DPY19L1: variants seen among roughly 807,000 people sequenced by gnomAD.
DPY19L1 encodes protein C-mannosyl-transferase DPY19L1.
In DPY19L1, 35 loss-of-function variants were observed where a neutral mutation model predicts 96.9. That is an observed-to-expected ratio of 0.36 (90% CI 0.28 to 0.48). The LOEUF (loss-of-function observed/expected upper bound fraction) is 0.48. Among genes scored for constraint, DPY19L1 ranks in the 20% least tolerant of loss-of-function variants. The pLI, the probability that DPY19L1 is intolerant of heterozygous loss-of-function variation, is 0.99. For missense variants in DPY19L1, 521 were observed against 777.9 expected (o/e 0.67, Z 3.93); for synonymous variants, 205 against 252.6 (o/e 0.81, Z 1.79).
At chr7:34,995,239 T>C (rs1035287505) in intron 6 of DPY19L1, among the ~76,000 whole-genome samples, 12 of 152,136 alleles carry the variant, frequency 7.9e-5, no homozygotes, top group Non-Finnish European at 1.6e-4. Context: ...ACAGAAAAGA[T>C]GCAGCAATCA....
intron 10 of DPY19L1, among the ~76,000 whole-genome samples, chr7:34,959,750 A>C (rs751503083): frequency 1.3e-5 from 2 of 151,608 alleles, no homozygotes; most frequent in Non-Finnish European, 2.9e-5. Context: ...GCATTAGGAG[A>C]AATACCTAAT....
At chr7:34,989,134 C>T (rs866092134) in intron 7 of DPY19L1, among the ~76,000 whole-genome samples, 2 of 152,094 alleles carry the variant, frequency 1.3e-5, no homozygotes, top group Non-Finnish European at 2.9e-5. Flanking sequence ...TTAGAAAGCC[C>T]TTGAACACTA....
chr7:34,992,257 T>A (rs1477587501), intron 6 of DPY19L1, among the ~76,000 whole-genome samples: 1 of 152,248 alleles, frequency 6.6e-6, no homozygotes, highest in African/African-American at 2.4e-5. Context: ...ACATGCATTT[T>A]CTCTTCCGTG....
chr7:35,034,379 A>G (rs1381333251), intron 1 of DPY19L1, among the ~76,000 whole-genome samples: 1 of 152,224 alleles, frequency 6.6e-6, no homozygotes, highest in Non-Finnish European at 1.5e-5. Flanking sequence ...ATGTATTGTT[A>G]CAATGTCAGC....
At chr7:34,973,698 C>A (rs1272560962) in intron 7 of DPY19L1, 93 bp from the exon 8 acceptor site, 1 of 631,008 alleles carries the variant, frequency 1.6e-6, no homozygotes, top group Non-Finnish European at 2.3e-6. Context: ...TTATTTTTAA[C>A]AAATAATTTA....
At chr7:34,998,029 G>A (rs1004402600) in intron 6 of DPY19L1, among the ~76,000 whole-genome samples, 10 of 152,112 alleles carry the variant, frequency 6.6e-5, no homozygotes, top group African/African-American at 2.4e-4. Flanking sequence ...AATCATCCAG[G>A]CCCTCAGGGC....
chr7:35,011,473 A>G, intron 4 of DPY19L1, 23 bp from the exon 5 acceptor site: 4 of 1,576,662 alleles, frequency 2.5e-6, no homozygotes, highest in Non-Finnish European at 3.4e-6. Context: ...ATACAGAGGC[A>G]TCTTAAGAAA....
chr7:34,988,726 T>C (rs2128671856), intron 7 of DPY19L1, among the ~76,000 whole-genome samples: 1 of 152,316 alleles, frequency 6.6e-6, no homozygotes, highest in East Asian at 1.9e-4. Flanking sequence ...CTGACCTTTA[T>C]TCTTTTCTCC....
At chr7:35,037,737 G>A (rs1015936696), upstream of DPY19L1, 15 of 926,430 alleles carry the variant, frequency 1.6e-5, no homozygotes, top group African/African-American at 2.7e-4. Flanking sequence ...CGCCGGACGC[G>A]CGCTCCAGGC....
At chr7:35,013,770 A>G in intron 3 of DPY19L1, 65 bp from the exon 4 acceptor site, 1 of 1,307,292 alleles carries the variant, frequency 7.6e-7, no homozygotes, top group Non-Finnish European at 1.0e-6. Flanking sequence ...ACTTCTAAGT[A>G]AATACACTGT....
intron 19 of DPY19L1, 82 bp downstream of exon 19, chr7:34,940,071 T>C: frequency 1.6e-6 from 2 of 1,265,964 alleles, no homozygotes; most frequent in Non-Finnish European, 2.1e-6. Context: ...GTAACTAGGG[T>C]TTAAGAGTTT....
intron 21 of DPY19L1, 130 bp from the exon 22 acceptor site, chr7:34,931,859 T>C: frequency 7.6e-7 from 1 of 1,323,896 alleles, no homozygotes; most frequent in Non-Finnish European, 1.0e-6. Flanking sequence ...TAAACAATCC[T>C]GTTACATAGC....
intron 7 of DPY19L1, among the ~76,000 whole-genome samples, chr7:34,981,147 C>T (rs1399577808): frequency 6.6e-6 from 1 of 152,062 alleles, no homozygotes; most frequent in Non-Finnish European, 1.5e-5. Context: ...ATATACAAAT[C>T]TTAATGTGTG....
chr7:34,959,913 ATAT>A (rs1562806895), intron 10 of DPY19L1, among the ~76,000 whole-genome samples: 2 of 58,212 alleles, frequency 3.4e-5, no homozygotes, highest in Non-Finnish European at 1.0e-4. Flanking sequence ...ATATATATAT[ATAT>A]ATATATATTT....
intron 6 of DPY19L1, chr7:35,000,843 T>C (rs1337080135): frequency 1.3e-5 from 2 of 152,248 alleles, no homozygotes; most frequent in Admixed American, 1.3e-4. Context: ...ACCACTTACT[T>C]TGGCAATGAA....
At chr7:34,933,047 A>G (rs1417607105) in intron 21 of DPY19L1, among the ~76,000 whole-genome samples, 1 of 152,212 alleles carries the variant, frequency 6.6e-6, no homozygotes, top group African/African-American at 2.4e-5. Context: ...ACCTACATAC[A>G]TTTTAAGAAA....
chr7:35,027,203 T>C (rs1458978540), intron 1 of DPY19L1, among the ~76,000 whole-genome samples: 1 of 150,950 alleles, frequency 6.6e-6, no homozygotes, highest in African/African-American at 2.4e-5. Context: ...AAACTCCGTC[T>C]CAAAGAAAAA....
intron 6 of DPY19L1, among the ~76,000 whole-genome samples, chr7:34,990,921 GCC>G: frequency 6.6e-6 from 1 of 152,284 alleles, no homozygotes; most frequent in Non-Finnish European, 1.5e-5. Flanking sequence ...GGCATCAAAG[GCC>G]TTGTATTTAC....
chr7:35,023,633 A>C (rs891195825), intron 1 of DPY19L1, among the ~76,000 whole-genome samples: 1 of 152,210 alleles, frequency 6.6e-6, no homozygotes, highest in African/African-American at 2.4e-5. Context: ...TACAAATGAA[A>C]GAATGGGCTT....
Sources: gnomAD v4.1 joint callset for allele counts (sites outside exome capture counted in the v4.1 genomes callset) on GRCh38, gnomAD v4.1.1 for gene constraint, MANE v1.5 for transcripts, NCBI Gene and HGNC (gene_info 2026-07-23, HGNC 2026-07-21) for gene names.